FRMD6: variants seen among roughly 807,000 people sequenced by gnomAD.
The protein encoded by FRMD6 is FERM domain containing 6, also known as FERM domain-containing protein 6.
Under a neutral mutation model 73.2 loss-of-function variants are expected in FRMD6, and 37 were observed. That is an observed-to-expected ratio of 0.51 (90% CI 0.39 to 0.66). The LOEUF (loss-of-function observed/expected upper bound fraction) is 0.66, where lower values mean the gene tolerates loss of function less well. Among genes scored for constraint, FRMD6 ranks in the 30% least tolerant of loss-of-function variants. The pLI is 0.00. For missense variants in FRMD6, 714 were observed against 780.5 expected, an observed-to-expected ratio of 0.91 and a Z score of 1.02; for synonymous variants, 273 against 282.2, an observed-to-expected ratio of 0.97 and a Z score of 0.33.
At chr14:51,570,012 T>G (rs1199326077) in intron 1 of FRMD6, among the ~76,000 whole-genome samples, 3 of 152,022 alleles carry the variant, frequency 2.0e-5, no homozygotes, top group Admixed American at 6.6e-5. Flanking sequence ...AGACGGGGTT[T>G]CACCATGTTA....
intron 8 of FRMD6, among the ~76,000 whole-genome samples, chr14:51,712,072 G>GT (rs1896974368): frequency 6.6e-6 from 1 of 152,158 alleles, no homozygotes; most frequent in Non-Finnish European, 1.5e-5. Flanking sequence ...GTGAGACAGT[G>GT]TTATCCTGCA....
intron 1 of FRMD6, among the ~76,000 whole-genome samples, chr14:51,492,155 C>A (rs1057239884): frequency 1.3e-5 from 2 of 152,158 alleles, no homozygotes; most frequent in African/African-American, 4.8e-5. Flanking sequence ...CACACTTGTT[C>A]TTTTCCTTTC....
intron 1 of FRMD6, among the ~76,000 whole-genome samples, chr14:51,681,671 A>G (rs1375742673): frequency 6.6e-6 from 1 of 152,196 alleles, no homozygotes; most frequent in Non-Finnish European, 1.5e-5. Context: ...TTCAACAACT[A>G]GCCTGCATTT....
rs2140729180 is a variant in FRMD6 at position 51,727,780 on chromosome 14, A to G, written c.1620A>G (p.Arg540=). ...ICRKPKTSTD[R]HSLSLDDIRL... ...GGAAACCAAAGACCTCCACTGATCGACACAGCTTGAGCCTCGATGACATCA... is the reference window on the plus strand; with the variant it reads ...GGAAACCAAAGACCTCCACTGATCGGCACAGCTTGAGCCTCGATGACATCA... The change falls in exon 14 of 14, where the codon CGA becomes CGG. Residue 540 remains arginine (R), a synonymous_variant. Coordinates refer to ENST00000344768, the MANE Select transcript of FRMD6 (RefSeq NM_001267046.2). 1.2e-6 allele frequency: 2 copies of G among 1,611,420 alleles called. No individual in the cohort carries two copies. The highest frequency in any genetic ancestry group is 2.2e-5 in the South Asian group (2 of 91,018).
the FRMD6 span, among the ~76,000 whole-genome samples, chr14:51,439,051 C>T: frequency 6.6e-6 from 1 of 152,164 alleles, no homozygotes; most frequent in African/African-American, 2.4e-5. Flanking sequence ...AAGCGTAATG[C>T]GGAAGCTTTT....
At chr14:51,646,040 C>G (rs113656948) in intron 2 of FRMD6, among the ~76,000 whole-genome samples, 2 of 151,682 alleles carry the variant, frequency 1.3e-5, no homozygotes, top group African/African-American at 4.8e-5. Context: ...GAAGAGAGGC[C>G]GGGTGCGGTG....
intron 2 of FRMD6, among the ~76,000 whole-genome samples, chr14:51,586,106 G>A (rs762852280): frequency 1.3e-5 from 2 of 151,312 alleles, no homozygotes; most frequent in Non-Finnish European, 2.9e-5. Context: ...ACCCAGTCAT[G>A]GGATTGCTGG....
chr14:51,440,013 G>A, the FRMD6 span, among the ~76,000 whole-genome samples: 2 of 152,134 alleles, frequency 1.3e-5, no homozygotes, highest in African/African-American at 4.8e-5. Flanking sequence ...TTATGCTAAT[G>A]TATGAAGAAC....
At chr14:51,411,426 G>T in the FRMD6 span, among the ~76,000 whole-genome samples, 1 of 152,212 alleles carries the variant, frequency 6.6e-6, no homozygotes, top group Non-Finnish European at 1.5e-5. Context: ...GAGGCAGTCG[G>T]TGGAGGGGAG....
chr14:51,716,241 AT>A (rs1897236675), intron 10 of FRMD6, among the ~76,000 whole-genome samples: 1 of 151,578 alleles, frequency 6.6e-6, no homozygotes, highest in Non-Finnish European at 1.5e-5. Flanking sequence ...GATTTCCTCC[AT>A]TTAACACACC....
chr14:51,582,732 G>A (rs1888797683), intron 2 of FRMD6, among the ~76,000 whole-genome samples: 1 of 152,144 alleles, frequency 6.6e-6, no homozygotes. Context: ...TTGACTTGGT[G>A]GTGAGAAATA....
intron 2 of FRMD6, among the ~76,000 whole-genome samples, chr14:51,622,958 T>C (rs1370604873): frequency 6.6e-6 from 1 of 152,124 alleles, no homozygotes; most frequent in African/African-American, 2.4e-5. Flanking sequence ...TTTGTAGAGA[T>C]GGGGTCTTGC....
chr14:51,685,883 G>A (rs9285578), intron 1 of FRMD6, among the ~76,000 whole-genome samples: 59,350 of 152,048 alleles, frequency 0.39, 11,727 homozygotes, highest in African/African-American at 0.46. Flanking sequence ...AACACGAGCT[G>A]TATAAATGTG....
chr14:51,517,830 T>G (rs1382741157), intron 1 of FRMD6, among the ~76,000 whole-genome samples: 1 of 151,914 alleles, frequency 6.6e-6, no homozygotes. Context: ...CCTGATGTGC[T>G]AACTCACAGA....
intron 4 of FRMD6, among the ~76,000 whole-genome samples, chr14:51,701,950 G>T (rs1896350764): frequency 1.3e-5 from 2 of 151,824 alleles, no homozygotes; most frequent in Non-Finnish European, 2.9e-5. Flanking sequence ...CATTAATAGG[G>T]AATTCACCTC....
chr14:51,566,991 C>T (rs1887809387), intron 1 of FRMD6, among the ~76,000 whole-genome samples: 1 of 152,132 alleles, frequency 6.6e-6, no homozygotes, highest in South Asian at 2.1e-4. Context: ...CCACAAGAGC[C>T]AGACAGCTGC....
intron 1 of FRMD6, among the ~76,000 whole-genome samples, chr14:51,547,322 C>A (rs991445267): frequency 6.6e-6 from 1 of 152,194 alleles, no homozygotes; most frequent in Non-Finnish European, 1.5e-5. Context: ...CTCTGTACAT[C>A]TTGCTCTCTG....
rs114478058 is a variant in FRMD6, at chr14:51,725,995, G to A, written c.1584+125G>A. On this transcript the variant is annotated intron_variant, in intron 13 of 13. Transcript: ENST00000344768. ...TAAGGAAATGATCCTTCCTAGATAC[G>A]TACATTCTAGCTTTATTCTGAATTT... The A allele has an allele frequency of 3.1e-4, 184 of 590,134 alleles. 2 individuals carry two copies. The African/African-American group carries it at 3.2e-3, about 10-fold the overall frequency. The allele number at this position is 590,134 out of a possible 1,614,324, so 36.6% of individuals were successfully genotyped here. A position where few individuals can be genotyped will look rare whatever the true frequency, so the allele number is the denominator to read the frequency against.
At chr14:51,449,542 G>A in the FRMD6 span, among the ~76,000 whole-genome samples, 72,259 of 152,028 alleles carry the variant, frequency 0.48, 17,541 homozygotes, top group East Asian at 0.68. Flanking sequence ...ATCTGAAACA[G>A]CAGGAGGCCC....
Sources: gnomAD v4.1 joint callset for allele counts (sites outside exome capture counted in the v4.1 genomes callset) on GRCh38, gnomAD v4.1.1 for gene constraint, MANE v1.5 for transcripts, NCBI Gene and HGNC (gene_info 2026-07-23, HGNC 2026-07-21) for gene names.